Variants in CIMIP2A observed in about 807,000 individuals in gnomAD.
CIMIP2A encodes the protein family with sequence similarity 166 member A.
At chr9:137,251,840 G>A in the CIMIP2A span, 3 of 1,607,552 alleles carry the variant, frequency 1.9e-6, no homozygotes, top group South Asian at 2.2e-5. Flanking sequence ...TCAGGTTACA[G>A]ACGGGCACCC....
the CIMIP2A span, chr9:137,245,777 CTG>C: frequency 1.3e-6 from 2 of 1,544,580 alleles, no homozygotes; most frequent in African/African-American, 1.4e-5. Flanking sequence ...ACACTGGGGT[CTG>C]TGAGCAGCTG....
the CIMIP2A span, chr9:137,253,346 G>A: frequency 3.9e-6 from 6 of 1,544,940 alleles, no homozygotes; most frequent in Non-Finnish European, 5.2e-6. Flanking sequence ...CCCCAGCCTG[G>A]CCTTCTGACC....
the CIMIP2A span, among the ~76,000 whole-genome samples, chr9:137,254,210 C>T: frequency 2.0e-5 from 3 of 152,246 alleles, no homozygotes; most frequent in Admixed American, 1.3e-4. Flanking sequence ...TCAGCACCAC[C>T]CCCTTTCTCA....
At chr9:137,247,273 G>A in the CIMIP2A span, among the ~76,000 whole-genome samples, 6 of 152,204 alleles carry the variant, frequency 3.9e-5, no homozygotes, top group East Asian at 1.9e-4. Flanking sequence ...TAATAAGAGC[G>A]AAACTCTGTC....
the CIMIP2A span, chr9:137,252,114 G>A: frequency 1.6e-5 from 26 of 1,611,350 alleles, no homozygotes; most frequent in South Asian, 1.9e-4. Flanking sequence ...CTACAGCATC[G>A]GCTGCAAGCA....
the CIMIP2A span, among the ~76,000 whole-genome samples, chr9:137,248,068 C>A: frequency 6.6e-6 from 1 of 152,258 alleles, no homozygotes; most frequent in East Asian, 1.9e-4. Flanking sequence ...AGTCCCCAGG[C>A]CCCCTCCTCT....
chr9:137,247,916 G>A, the CIMIP2A span: 1 of 603,580 alleles, frequency 1.7e-6, no homozygotes, highest in Admixed American at 2.8e-5. Flanking sequence ...AGGCAGGGGA[G>A]GAGTTGCGGT....
At chr9:137,252,879 T>C in the CIMIP2A span, 2 of 1,591,476 alleles carry the variant, frequency 1.3e-6, no homozygotes, top group South Asian at 1.1e-5. Context: ...ACCTACAATA[T>C]CCTTCCTGGG....
the CIMIP2A span, chr9:137,251,774 G>C: frequency 6.3e-7 from 1 of 1,587,802 alleles, no homozygotes. Flanking sequence ...GCCCGGAGCC[G>C]GGGATGGCCT....
chr9:137,249,371 A>G, the CIMIP2A span, among the ~76,000 whole-genome samples: 18 of 152,266 alleles, frequency 1.2e-4, no homozygotes, highest in Middle Eastern at 3.4e-3. Context: ...AACTGGGACC[A>G]TTGCTTCCAC....
the CIMIP2A span, among the ~76,000 whole-genome samples, chr9:137,253,932 C>G: frequency 6.6e-6 from 1 of 152,192 alleles, no homozygotes; most frequent in Non-Finnish European, 1.5e-5. Context: ...AACACTCTGG[C>G]CCAGGGCCCT....
the CIMIP2A span, chr9:137,252,346 G>A: frequency 1.4e-6 from 2 of 1,419,676 alleles, no homozygotes; most frequent in Non-Finnish European, 1.9e-6. Context: ...GGGTTCAGGG[G>A]CCGAGGGTGG....
chr9:137,245,778 T>A, the CIMIP2A span: 1 of 1,544,540 alleles, frequency 6.5e-7, no homozygotes. Context: ...CACTGGGGTC[T>A]GTGAGCAGCT....
the CIMIP2A span, chr9:137,252,149 C>T: frequency 1.3e-6 from 2 of 1,598,784 alleles, no homozygotes; most frequent in East Asian, 2.2e-5. Flanking sequence ...TGTGTCCCCT[C>T]CCTGAGGCCC....
chr9:137,253,165 T>C, the CIMIP2A span: 5 of 1,603,446 alleles, frequency 3.1e-6, no homozygotes, highest in Non-Finnish European at 4.3e-6. Flanking sequence ...CAACTCACGC[T>C]TCCCTTCGGC....
chr9:137,243,831 A>G, the CIMIP2A span: 3 of 1,602,090 alleles, frequency 1.9e-6, no homozygotes, highest in East Asian at 2.2e-5. Flanking sequence ...TTATGTGCCC[A>G]GGACCAGCAT....
At chr9:137,252,077 C>A in the CIMIP2A span, 1 of 1,612,814 alleles carries the variant, frequency 6.2e-7, no homozygotes, top group Non-Finnish European at 8.5e-7. Flanking sequence ...CGAGCCCGTC[C>A]GTACGAGAGT....
At chr9:137,251,384 C>G in the CIMIP2A span, 1 of 1,612,144 alleles carries the variant, frequency 6.2e-7, no homozygotes, top group Non-Finnish European at 8.5e-7. Flanking sequence ...CAGACACAAC[C>G]AGAGCCCACC....
chr9:137,245,551 T>C, the CIMIP2A span: 10 of 1,613,628 alleles, frequency 6.2e-6, no homozygotes, highest in Non-Finnish European at 7.6e-6. Flanking sequence ...CTTAGAGGGC[T>C]TCAGACCTGT....
Sources: allele counts gnomAD v4.1 joint callset (sites outside exome capture counted in the v4.1 genomes callset), GRCh38; gene constraint gnomAD v4.1.1; transcripts MANE v1.5; gene names NCBI Gene and HGNC (gene_info 2026-07-23, HGNC 2026-07-21).